Variants in PSRC1 observed in about 807,000 individuals in gnomAD.
The protein encoded by PSRC1 is proline/serine-rich coiled-coil protein 1.
PSRC1 carries 30 observed loss-of-function variants against 31.9 expected under a neutral mutation model. The ratio of observed to expected loss-of-function variants is 0.94; its 90% CI spans 0.70 to 1.28. PSRC1 has a LOEUF of 1.28. PSRC1 is among the 50% of genes most tolerant of loss of function. The pLI is 0.00. For missense variants in PSRC1, 481 were observed against 472.8 expected (o/e 1.02, Z -0.16); for synonymous variants, 191 against 192.1 (o/e 0.99, Z 0.05).
At chr1:109,280,357 G>C in intron 6 of PSRC1, 39 bp downstream of exon 7, 1 of 1,530,330 alleles carries the variant, frequency 6.5e-7, no homozygotes, top group Non-Finnish European at 9.0e-7. Flanking sequence ...ATGATGGCGG[G>C]GTAGGGAGAC....
chr1:109,282,421 T>A, intron 3 of PSRC1, 97 bp downstream of exon 3: 1 of 1,210,864 alleles, frequency 8.3e-7, no homozygotes, highest in South Asian at 1.3e-5. Context: ...CGCCAAACCT[T>A]GCTAAGTTAC....
exon 2 of PSRC1, chr1:109,282,698 T>C (rs1310274968): frequency 2.6e-6 from 4 of 1,553,988 alleles, no homozygotes; most frequent in South Asian, 1.2e-5. Flanking sequence ...AAATCCTCCA[T>C]GTCCAGCCAG....
Position 109,279,984 on chromosome 1 carries a change from C to T in PSRC1, c.*169G>A. 7.4e-6 allele frequency: 6 copies of T among 813,180 alleles called. No homozygotes were observed. The Admixed American group carries it at 9.9e-5, about 13-fold the overall frequency. The allele number at this position is 813,180 out of a possible 1,614,324, so 50.4% of individuals were successfully genotyped here. On this transcript the variant is annotated 3_prime_UTR_variant, in exon 7 of 7. Coordinates refer to ENST00000409138, the Ensembl canonical transcript of PSRC1. Reference sequence around the variant, plus strand: ...AAGTCTTCTCCAGCTCAATCCTAATCCACCCCATTTCCCATGGTCTCTACT... The same window carrying T: ...AAGTCTTCTCCAGCTCAATCCTAATTCACCCCATTTCCCATGGTCTCTACT...
At chr1:109,282,166 T>C in intron 3 of PSRC1, 106 bp from the exon 4 acceptor site, 1 of 1,035,694 alleles carries the variant, frequency 9.7e-7, no homozygotes, top group East Asian at 2.6e-5. Flanking sequence ...GACATGACCC[T>C]AGGCCCCGAT....
At chr1:109,281,225 A>C (rs770544481) in exon 5 of PSRC1, 2 of 1,606,606 alleles carry the variant, frequency 1.2e-6, no homozygotes, top group Non-Finnish European at 1.7e-6. Context: ...TTTTGGATGC[A>C]GGGAACAGAT....
rs752803006 is a variant in PSRC1, at chr1:109,280,386, C to T, written c.1088+10G>A. ...GGGAGACAGGATGGGCAAGGGAGGA[C>T]CAGACTGACCTGGTAGGTCCTGGGA... On this transcript the variant is annotated intron_variant, in intron 6 of 6. Coordinates refer to ENST00000409138, the Ensembl canonical transcript of PSRC1. The T allele has an allele frequency of 2.5e-6, 4 of 1,597,936 alleles. No individual in the cohort carries two copies. The highest frequency in any genetic ancestry group is 2.2e-5 in the East Asian group (1 of 44,582).
rs1326950384 is a variant in PSRC1, at chr1:109,281,873, C to A, written c.265G>T (p.Glu89Ter). ...TCCCGATCCTGCAGGGCACACTGCTCCAGCTGAGCGGCCAGCCGGTTGGCC... is the reference window on the plus strand; with the variant it reads ...TCCCGATCCTGCAGGGCACACTGCTACAGCTGAGCGGCCAGCCGGTTGGCC... The change falls in exon 4 of 7, where the codon GAG (glutamate) becomes TAG (stop). Residue 89 changes from glutamate (E) to a stop codon, truncating the protein, a stop_gained. Coordinates refer to ENST00000409138, the Ensembl canonical transcript of PSRC1. LOFTEE classifies it high-confidence loss of function. 2 of 1,612,854 alleles carry A rather than the reference C, an allele frequency of 1.2e-6. No individual in the cohort carries two copies. Among genetic ancestry groups the A allele is most frequent in the Non-Finnish European group, 1.7e-6 (2 of 1,179,412 alleles).
At chr1:109,281,188 A>G in exon 5 of PSRC1, 8 of 1,613,648 alleles carry the variant, frequency 5.0e-6, no homozygotes, top group Non-Finnish European at 6.8e-6. Context: ...GGGGGAGTCG[A>G]TCGGGTAAGA....
chr1:109,280,630 G>T, intron 5 of PSRC1, 141 bp from the exon 7 acceptor site: 1 of 957,804 alleles, frequency 1.0e-6, no homozygotes, highest in Non-Finnish European at 1.6e-6. Context: ...CTCAGACTCT[G>T]TCCAGCCCCA....
chr1:109,280,898 T>C (rs765202106), exon 5 of PSRC1: 1 of 1,613,950 alleles, frequency 6.2e-7, no homozygotes, highest in South Asian at 1.1e-5. Flanking sequence ...GGCTGGTGAG[T>C]GGCATTCGGC....
intron 3 of PSRC1, 86 bp from the exon 4 acceptor site, chr1:109,282,146 C>G: frequency 8.0e-7 from 1 of 1,247,346 alleles, no homozygotes; most frequent in South Asian, 1.7e-5. Flanking sequence ...AGCCCCACAA[C>G]AGAGCCAGGG....
At position 109,280,424 on chromosome 1, in the gene PSRC1, T is replaced by TG; in HGVS notation, c.1059dup (p.Arg354GlnfsTer22). On this transcript the variant is annotated frameshift_variant, in exon 6 of 7. Coordinates refer to ENST00000409138, the Ensembl canonical transcript of PSRC1. LOFTEE classifies it high-confidence loss of function. ...GTAGGTCCTGGGACTGCCACTTTCCTGGGGGGCTGCAGATTGCTGCGAGTG... is the reference window on the plus strand; with the variant it reads ...GTAGGTCCTGGGACTGCCACTTTCCTGGGGGGGCTGCAGATTGCTGCGAGTG... The TG allele has an allele frequency of 1.2e-6, 2 of 1,613,004 alleles. No homozygotes were observed. Among genetic ancestry groups the TG allele is most frequent in the Non-Finnish European group, 1.7e-6 (2 of 1,179,280 alleles).
chr1:109,282,715 C>T (rs371817760), exon 2 of PSRC1: 1 of 1,551,308 alleles, frequency 6.4e-7, no homozygotes, highest in Non-Finnish European at 8.7e-7. Context: ...CCAGCAGGAG[C>T]GAGAGTCCAG....
intron 3 of PSRC1, 51 bp downstream of exon 3, chr1:109,282,467 A>C (rs2101404813): frequency 6.5e-7 from 1 of 1,543,268 alleles, no homozygotes; most frequent in Non-Finnish European, 9.0e-7. Flanking sequence ...AAGGGATTCG[A>C]GACAAAGAGG....
Position 109,281,787 on chromosome 1 carries a change from A to G in PSRC1, c.351T>C (p.Phe117=), listed in dbSNP as rs115949877. Reference sequence around the variant, plus strand: ...CTCGGACAGGACTATCCTTCAGCACAAAGGTCTCCCGCCGAGGACTGGGCT... The same window carrying G: ...CTCGGACAGGACTATCCTTCAGCACGAAGGTCTCCCGCCGAGGACTGGGCT... Residue 117 remains phenylalanine, a synonymous_variant, in exon 4 of 7, where the codon TTT becomes TTC. Coordinates refer to ENST00000409138, the Ensembl canonical transcript of PSRC1. 27 of 1,613,988 alleles carry G rather than the reference A, an allele frequency of 1.7e-5. No homozygotes were observed. In the East Asian group the frequency reaches 3.6e-4, roughly 21 times the overall value.
exon 6 of PSRC1, chr1:109,280,461 A>G (rs1267062492): frequency 6.2e-7 from 1 of 1,613,600 alleles, no homozygotes; most frequent in Admixed American, 1.7e-5. Flanking sequence ...CACCCATGAC[A>G]GGAAGATTTA....
At chr1:109,281,315 G>C (rs1657077995) in intron 4 of PSRC1, 64 bp from the exon 5 acceptor site, 2 of 1,370,022 alleles carry the variant, frequency 1.5e-6, no homozygotes, top group Admixed American at 5.4e-5. Flanking sequence ...TGTGGCTTAA[G>C]GAATTAAGAA....
At chr1:109,282,716 G>A (rs374455191) in exon 2 of PSRC1, 6 of 1,551,036 alleles carry the variant, frequency 3.9e-6, no homozygotes, top group Non-Finnish European at 5.2e-6. Flanking sequence ...CAGCAGGAGC[G>A]AGAGTCCAGT....
At chr1:109,282,430 A>G in intron 3 of PSRC1, 88 bp downstream of exon 3, 2 of 1,333,234 alleles carry the variant, frequency 1.5e-6, no homozygotes, top group Admixed American at 3.7e-5. Context: ...TTGCTAAGTT[A>G]CCAACCCAAG....
Sources: allele counts gnomAD v4.1 joint callset, GRCh38; gene constraint gnomAD v4.1.1; transcripts MANE v1.5; gene names NCBI Gene and HGNC (gene_info 2026-07-23, HGNC 2026-07-21).